ADGRB3: variants seen among roughly 807,000 people sequenced by gnomAD.
ADGRB3 encodes the protein adhesion G protein-coupled receptor B3, also known as brain-specific angiogenesis inhibitor 3.
ADGRB3 carries 37 observed loss-of-function variants against 193.4 expected under a neutral mutation model. That is an observed-to-expected ratio of 0.19 (90% confidence interval 0.15 to 0.25). The LOEUF (loss-of-function observed/expected upper bound fraction) is 0.25. Ranked by LOEUF, ADGRB3 falls within the 10% of genes least tolerant of loss-of-function variation. The pLI is 1.00. For synonymous variants in ADGRB3, 690 were observed against 644.2 expected (o/e 1.07, Z -1.08); for missense variants, 1,637 against 1,852.9 (o/e 0.88, Z 2.14).
chr6:68,812,292 T>C (rs375325089), intron 3 of ADGRB3, among the ~76,000 whole-genome samples: 5 of 151,948 alleles, frequency 3.3e-5, no homozygotes, highest in Admixed American at 3.3e-4. Flanking sequence ...AATAGAAATA[T>C]TTACATTATT....
intron 17 of ADGRB3, among the ~76,000 whole-genome samples, chr6:69,173,757 G>A (rs1007306143): frequency 1.3e-5 from 2 of 152,126 alleles, no homozygotes; most frequent in Non-Finnish European, 2.9e-5. Context: ...GTGACAGGTG[G>A]ATAAAAAAGG....
chr6:69,068,588 A>G (rs1771979629), intron 16 of ADGRB3, among the ~76,000 whole-genome samples: 2 of 152,320 alleles, frequency 1.3e-5, no homozygotes. Flanking sequence ...TTTGAAGCAT[A>G]TACATGTAAA....
intron 10 of ADGRB3, among the ~76,000 whole-genome samples, chr6:68,990,240 G>A (rs1769197678): frequency 6.6e-6 from 1 of 152,150 alleles, no homozygotes; most frequent in African/African-American, 2.4e-5. Context: ...TTCACAGTAT[G>A]CATGTGTTGT....
intron 3 of ADGRB3, among the ~76,000 whole-genome samples, chr6:68,860,195 G>A (rs931156879): frequency 1.4e-4 from 21 of 151,846 alleles, no homozygotes; most frequent in Non-Finnish European, 2.6e-4. Flanking sequence ...GCCTCACACA[G>A]ATATATATAT....
intron 26 of ADGRB3, among the ~76,000 whole-genome samples, chr6:69,347,275 G>C (rs140718942): frequency 0.011 from 1,622 of 152,166 alleles, 25 homozygotes; most frequent in African/African-American, 0.037. Context: ...GTTGATGGGT[G>C]CAGCAAACCA....
chr6:69,287,773 G>C (rs1191189380), intron 20 of ADGRB3, among the ~76,000 whole-genome samples: 2 of 152,050 alleles, frequency 1.3e-5, no homozygotes, highest in Non-Finnish European at 2.9e-5. Context: ...ATATCGAATT[G>C]GTCTTGTGGA....
chr6:69,184,235 C>T (rs188098162), intron 17 of ADGRB3, among the ~76,000 whole-genome samples: 90 of 152,146 alleles, frequency 5.9e-4, no homozygotes, highest in African/African-American at 2.1e-3. Context: ...CAAAAAGTGT[C>T]CCCATCAGCT....
chr6:69,081,191 G>T (rs780010795), intron 17 of ADGRB3, among the ~76,000 whole-genome samples: 1 of 151,878 alleles, frequency 6.6e-6, no homozygotes, highest in Non-Finnish European at 1.5e-5. Context: ...ATCCATTCAG[G>T]TCCAATCATT....
chr6:68,996,868 A>G lies in ADGRB3; in HGVS notation c.1929+2906A>G, dbSNP rs559864450. Reference sequence around the variant, plus strand: ...AGATTTCACATAGAATCCTGTCTATAGAAGATGTTCAACAAATGTTTGTTG... The same window carrying G: ...AGATTTCACATAGAATCCTGTCTATGGAAGATGTTCAACAAATGTTTGTTG... On this transcript the variant is annotated intron_variant, in intron 11 of 31. Transcript: ENST00000370598. 1.6e-4 allele frequency among the ~76,000 whole-genome samples: 25 copies of G among 152,338 alleles called. No individual in the cohort carries two copies. In the Middle Eastern group the frequency reaches 0.01, roughly 62 times the overall value.
At chr6:69,193,806 A>T (rs1001837382) in intron 17 of ADGRB3, among the ~76,000 whole-genome samples, 3 of 152,130 alleles carry the variant, frequency 2.0e-5, no homozygotes, top group Non-Finnish European at 4.4e-5. Context: ...TATTATGTGA[A>T]CTATAAGGCA....
intron 17 of ADGRB3, among the ~76,000 whole-genome samples, chr6:69,113,673 G>A (rs1773439529): frequency 6.6e-6 from 1 of 152,082 alleles, no homozygotes; most frequent in Non-Finnish European, 1.5e-5. Flanking sequence ...GCATAAAAGT[G>A]TGAGAAAAAT....
rs144812246 is a variant in ADGRB3, at chr6:68,773,597, T to C, written c.757+134165T>C. 4.9e-3 allele frequency among the ~76,000 whole-genome samples: 741 copies of C among 152,294 alleles called. 13 individuals are homozygous for C. Among genetic ancestry groups the C allele is most frequent in the African/African-American group, 0.017 (713 of 41,564 alleles). On this transcript the variant is annotated intron_variant, in intron 3 of 31. Transcript: ENST00000370598. ...GATTAAGATAGAAATTTATGCTCTC[T>C]CCATTTGTCTGATGTTCAATGAAAG...
chr6:69,058,737 C>A (rs1483392719), intron 15 of ADGRB3, among the ~76,000 whole-genome samples: 1 of 151,978 alleles, frequency 6.6e-6, no homozygotes, highest in Non-Finnish European at 1.5e-5. Flanking sequence ...TTGATTTCTA[C>A]ATATTTCTCA....
intron 17 of ADGRB3, among the ~76,000 whole-genome samples, chr6:69,205,075 T>C (rs1056339872): frequency 6.6e-6 from 1 of 152,214 alleles, no homozygotes; most frequent in African/African-American, 2.4e-5. Flanking sequence ...ATTTGTAAAA[T>C]GTTTAGCATA....
intron 13 of ADGRB3, among the ~76,000 whole-genome samples, chr6:69,024,611 A>G (rs1367795102): frequency 1.3e-5 from 2 of 152,218 alleles, no homozygotes; most frequent in Non-Finnish European, 2.9e-5. Flanking sequence ...ACAGAATGCT[A>G]TAATTATTAG....
At chr6:68,813,466 A>G (rs1183322495) in intron 3 of ADGRB3, among the ~76,000 whole-genome samples, 1 of 152,310 alleles carries the variant, frequency 6.6e-6, no homozygotes, top group Non-Finnish European at 1.5e-5. Flanking sequence ...AAAATAACAT[A>G]TTAGACCTAA....
chr6:69,120,567 T>C (rs1360442910), intron 17 of ADGRB3, among the ~76,000 whole-genome samples: 1 of 152,236 alleles, frequency 6.6e-6, no homozygotes, highest in Non-Finnish European at 1.5e-5. Context: ...GTGGTACTGA[T>C]GTCAATAATT....
At chr6:68,987,664 T>A (rs1233461863) in intron 10 of ADGRB3, among the ~76,000 whole-genome samples, 1 of 152,126 alleles carries the variant, frequency 6.6e-6, no homozygotes, top group East Asian at 1.9e-4. Flanking sequence ...CAAATCTCCA[T>A]AGTCACTACT....
At chr6:69,277,609 G>A (rs1767331827) in intron 20 of ADGRB3, among the ~76,000 whole-genome samples, 1 of 152,150 alleles carries the variant, frequency 6.6e-6, no homozygotes, top group Non-Finnish European at 1.5e-5. Flanking sequence ...GGCATCATTG[G>A]CTGCATTTTA....
Sources: gnomAD v4.1 joint callset for allele counts (sites outside exome capture counted in the v4.1 genomes callset) on GRCh38, gnomAD v4.1.1 for gene constraint, MANE v1.5 for transcripts, NCBI Gene and HGNC (gene_info 2026-07-23, HGNC 2026-07-21) for gene names.